Variants in TANGO6 observed in about 807,000 individuals in gnomAD.
TANGO6 encodes transport and Golgi organization protein 6 homolog.
Under a neutral mutation model 114.2 loss-of-function variants are expected in TANGO6, and 90 were observed. The observed-to-expected ratio is 0.79, with a 90% CI of 0.66 to 0.94. The LOEUF is 0.94. Ranked by LOEUF, TANGO6 falls within the 40% of genes least tolerant of loss-of-function variation. The probability of loss-of-function intolerance (pLI) is 0.00; values close to 1 mark genes in which losing one functional copy is unlikely to be tolerated. For missense variants in TANGO6, 1,274 were observed against 1,315.3 expected, an observed-to-expected ratio of 0.97 and a Z score of 0.49; for synonymous variants, 477 against 509.8, an observed-to-expected ratio of 0.94 and a Z score of 0.87.
chr16:68,967,208 A>T (rs1597040212), intron 14 of TANGO6, among the ~76,000 whole-genome samples: 3 of 152,082 alleles, frequency 2.0e-5, no homozygotes, highest in African/African-American at 7.2e-5. Context: ...CATGGACGGG[A>T]CGGTGTTGGG....
rs149170642 is a variant in TANGO6, at chr16:68,952,489, C to T, written c.2702-21539C>T. Among the ~76,000 whole-genome samples the T allele has an allele frequency of 5.2e-4, 79 of 152,324 alleles. 1 individual carries two copies. Among genetic ancestry groups the T allele is most frequent in the African/African-American group, 1.8e-3 (74 of 41,578 alleles). On this transcript the variant is annotated intron_variant, in intron 14 of 17. Coordinates refer to ENST00000261778, the MANE Select transcript of TANGO6 (RefSeq NM_024562.2). ...CTCACCAGATGTGATTAAGATGATA[C>T]TTGAAGCTGTTCACACACTTAGTAA...
intron 17 of TANGO6, among the ~76,000 whole-genome samples, chr16:69,049,309 A>G (rs925043834): frequency 1.3e-5 from 2 of 151,214 alleles, no homozygotes; most frequent in African/African-American, 4.9e-5. Flanking sequence ...GGATTTGCCT[A>G]TTCTAGACAT....
At chr16:68,901,500 T>G (rs544651721) in intron 8 of TANGO6, among the ~76,000 whole-genome samples, 2 of 152,292 alleles carry the variant, frequency 1.3e-5, no homozygotes, top group African/African-American at 4.8e-5. Flanking sequence ...TTGTTTTTGT[T>G]TTTTTTGAGA....
intron 10 of TANGO6, among the ~76,000 whole-genome samples, chr16:68,908,088 A>G (rs935909144): frequency 6.6e-6 from 1 of 152,114 alleles, no homozygotes; most frequent in South Asian, 2.1e-4. Flanking sequence ...CTCTGAGAGT[A>G]ACTTGTACCC....
chr16:68,976,623 T>C (rs1478098891), intron 15 of TANGO6, among the ~76,000 whole-genome samples: 1 of 152,206 alleles, frequency 6.6e-6, no homozygotes, highest in African/African-American at 2.4e-5. Context: ...ACTTAACCAT[T>C]AGCTGTCACA....
At chr16:69,036,884 G>A (rs1415920120) in intron 16 of TANGO6, among the ~76,000 whole-genome samples, 3 of 152,018 alleles carry the variant, frequency 2.0e-5, no homozygotes, top group Non-Finnish European at 4.4e-5. Context: ...GAGTGCCAGA[G>A]CCTGGGAGGT....
At chr16:68,928,177 G>A (rs1035693442) in intron 13 of TANGO6, 94 bp downstream of exon 13, 2 of 1,384,438 alleles carry the variant, frequency 1.4e-6, no homozygotes, top group Non-Finnish European at 1.9e-6. Flanking sequence ...GTCAAGTGCT[G>A]TTCTGGACCA....
intron 17 of TANGO6, among the ~76,000 whole-genome samples, chr16:69,070,324 T>C (rs1412957957): frequency 6.6e-6 from 1 of 151,034 alleles, no homozygotes; most frequent in African/African-American, 2.4e-5. Context: ...ACAATGCTTA[T>C]ATATATAGGA....
chr16:69,067,344 A>G (rs376941884), intron 17 of TANGO6, among the ~76,000 whole-genome samples: 2 of 150,616 alleles, frequency 1.3e-5, no homozygotes, highest in Admixed American at 6.7e-5. Flanking sequence ...CCCCATCTCT[A>G]CTAAAAATAC....
chr16:68,845,207 A>C (rs919572178), intron 1 of TANGO6, among the ~76,000 whole-genome samples: 10 of 152,078 alleles, frequency 6.6e-5, no homozygotes, highest in Non-Finnish European at 1.2e-4. Context: ...ACCTCAAGTG[A>C]TCTGCCTGCC....
rs1962397544 is a variant in TANGO6 at position 68,878,116 on chromosome 16, A to G, written c.1132-2A>G. ...TATTTACTTCTTGTAGTTTTTTTGT[A>G]GGTTCTGGATTTATTTCACTTTCAA... is the stretch of plus-strand genomic sequence containing the variant. On this transcript the variant is annotated splice_acceptor_variant, in intron 5 of 17. Transcript: ENST00000261778. LOFTEE classifies it high-confidence loss of function. 1 of 1,598,964 alleles carries G rather than the reference A, an allele frequency of 6.3e-7. No homozygotes were observed. The highest frequency in any genetic ancestry group is 8.5e-7 in the Non-Finnish European group (1 of 1,173,676).
chr16:68,854,800 C>T (rs1961959495), intron 1 of TANGO6, among the ~76,000 whole-genome samples: 1 of 151,940 alleles, frequency 6.6e-6, no homozygotes, highest in Non-Finnish European at 1.5e-5. Flanking sequence ...GTCCTTATGC[C>T]AGTACCACAT....
intron 17 of TANGO6, among the ~76,000 whole-genome samples, chr16:69,053,063 G>A (rs191088538): frequency 1.3e-5 from 2 of 152,176 alleles, no homozygotes; most frequent in East Asian, 3.9e-4. Context: ...AGCCGAGATC[G>A]TGCCACTGTA....
chr16:69,058,696 C>T (rs559560866), intron 17 of TANGO6, among the ~76,000 whole-genome samples: 4 of 152,080 alleles, frequency 2.6e-5, no homozygotes, highest in East Asian at 1.9e-4. Flanking sequence ...GACGGAGTCT[C>T]GCTCTGTCAC....
At chr16:69,073,547 G>C (rs1248181307) in intron 17 of TANGO6, among the ~76,000 whole-genome samples, 3 of 152,224 alleles carry the variant, frequency 2.0e-5, no homozygotes, top group Admixed American at 2.0e-4. Flanking sequence ...ATTATTGAAT[G>C]AGTGAGTAAT....
chr16:69,002,118 A>C (rs1328426626), intron 15 of TANGO6, among the ~76,000 whole-genome samples: 1 of 152,186 alleles, frequency 6.6e-6, no homozygotes, highest in Admixed American at 6.5e-5. Context: ...TTTTCTTCCA[A>C]AACAGGATCT....
intron 15 of TANGO6, among the ~76,000 whole-genome samples, chr16:69,016,780 C>G (rs1359908803): frequency 6.6e-6 from 1 of 152,130 alleles, no homozygotes; most frequent in East Asian, 1.9e-4. Context: ...CTGCCTCAGC[C>G]TCCTGAGTAG....
intron 17 of TANGO6, among the ~76,000 whole-genome samples, chr16:69,054,803 C>T (rs1014408918): frequency 6.6e-6 from 1 of 151,576 alleles, no homozygotes; most frequent in East Asian, 1.9e-4. Context: ...TAGCAGGGCG[C>T]GGTGGCAGGT....
chr16:68,948,860 GT>G (rs1159912229), intron 14 of TANGO6, among the ~76,000 whole-genome samples: 5 of 152,182 alleles, frequency 3.3e-5, no homozygotes, highest in Admixed American at 6.5e-5. Context: ...TATCAGCATT[GT>G]TTTAGGAGCA....
Sources: allele counts gnomAD v4.1 joint callset (sites outside exome capture counted in the v4.1 genomes callset), GRCh38; gene constraint gnomAD v4.1.1; transcripts MANE v1.5; gene names NCBI Gene and HGNC (gene_info 2026-07-23, HGNC 2026-07-21).